GPM6A: variants seen among roughly 807,000 people sequenced by gnomAD.
GPM6A encodes the protein neuronal membrane glycoprotein M6-a.
In GPM6A, 7 loss-of-function variants were observed where a neutral mutation model predicts 32.1. That is an observed-to-expected ratio of 0.22 (90% CI 0.12 to 0.41). The LOEUF is 0.41. Ranked by LOEUF, GPM6A falls within the 10% of genes least tolerant of loss-of-function variation. GPM6A has a pLI of 1.00. For synonymous variants in GPM6A, 130 were observed against 123.4 expected (o/e 1.05, Z -0.35); for missense variants, 235 against 347.2 (o/e 0.68, Z 2.57).
chr4:175,696,475 G>A (rs573068592), intron 2 of GPM6A, among the ~76,000 whole-genome samples: 29 of 152,236 alleles, frequency 1.9e-4, no homozygotes, highest in African/African-American at 7.0e-4. Flanking sequence ...ACACCCATTT[G>A]AGGAGTACTA....
At chr4:175,920,028 T>C (rs1259461420) in intron 1 of GPM6A, among the ~76,000 whole-genome samples, 1 of 152,256 alleles carries the variant, frequency 6.6e-6, no homozygotes, top group Non-Finnish European at 1.5e-5. Flanking sequence ...TGTCTGGCCA[T>C]CTTTGGTCAT....
At chr4:175,708,362 AT>A (rs753373452) in intron 1 of GPM6A, among the ~76,000 whole-genome samples, 5 of 83,782 alleles carry the variant, frequency 6.0e-5, no homozygotes, top group African/African-American at 2.0e-4. Flanking sequence ...GAGAAGGTTT[AT>A]TTTATTTATT....
At chr4:175,795,292 C>G (rs989638157) in intron 1 of GPM6A, among the ~76,000 whole-genome samples, 7 of 152,204 alleles carry the variant, frequency 4.6e-5, no homozygotes, top group African/African-American at 9.7e-5. Context: ...CTATGGCTAT[C>G]TGAGGCAGGC....
chr4:175,980,243 G>C (rs922759472), intron 1 of GPM6A, among the ~76,000 whole-genome samples: 6 of 152,176 alleles, frequency 3.9e-5, no homozygotes, highest in African/African-American at 9.7e-5. Context: ...TGCAGTCCCA[G>C]CTTCTCCAGA....
chr4:175,918,157 G>GAA (rs199882736), intron 1 of GPM6A, among the ~76,000 whole-genome samples: 1 of 149,144 alleles, frequency 6.7e-6, no homozygotes, highest in African/African-American at 2.5e-5. Context: ...ACAGAAAAAT[G>GAA]AAAAAAAAAG....
intron 1 of GPM6A, among the ~76,000 whole-genome samples, chr4:175,732,220 C>T (rs1400513016): frequency 6.6e-6 from 1 of 152,088 alleles, no homozygotes; most frequent in Non-Finnish European, 1.5e-5. Context: ...CCGCCTCGGC[C>T]TCCCACAGTG....
chr4:175,686,447 G>A (rs894534841), intron 2 of GPM6A, among the ~76,000 whole-genome samples: 2 of 152,188 alleles, frequency 1.3e-5, no homozygotes, highest in Non-Finnish European at 2.9e-5. Flanking sequence ...TTATTCAGGT[G>A]GGGCCTCAAT....
Position 175,852,087 on chromosome 4 carries a change from G to A in GPM6A, c.-22-39838C>T, listed in dbSNP as rs143377422. Among the ~76,000 whole-genome samples, 768 of 152,178 alleles carry A rather than the reference G, an allele frequency of 5.0e-3. 10 individuals carry two copies. The highest frequency in any genetic ancestry group is 4.2e-3 in the Admixed American group (64 of 15,286). ...GGGTATTGAACTCCCCATAATACTT[G>A]GAATTGGGGCTTTGGCCATCTTACT... On this transcript the variant is annotated intron_variant, in intron 1 of 7. Coordinates refer to the GPM6A transcript ENST00000280187.
chr4:175,991,215 G>A (rs190330450), intron 1 of GPM6A, among the ~76,000 whole-genome samples: 1,745 of 146,660 alleles, frequency 0.012, 14 homozygotes, highest in Non-Finnish European at 0.017. Context: ...ACAGGTGCCC[G>A]CCACCACTCC....
intron 1 of GPM6A, among the ~76,000 whole-genome samples, chr4:175,788,833 A>C (rs1452034345): frequency 6.6e-6 from 1 of 152,216 alleles, no homozygotes; most frequent in Non-Finnish European, 1.5e-5. Context: ...GACATTAATA[A>C]GGCTATCTAA....
At chr4:175,892,547 CAATA>C (rs1737679587) in intron 1 of GPM6A, among the ~76,000 whole-genome samples, 1 of 152,108 alleles carries the variant, frequency 6.6e-6, no homozygotes, top group African/African-American at 2.4e-5. Flanking sequence ...TTCCTTTATT[CAATA>C]AATATTTTCA....
chr4:175,788,716 G>T (rs1733896254), intron 1 of GPM6A, among the ~76,000 whole-genome samples: 1 of 152,108 alleles, frequency 6.6e-6, no homozygotes, highest in South Asian at 2.1e-4. Flanking sequence ...AGTGGATTTT[G>T]TTTCGGAAGT....
chr4:175,953,030 T>A (rs59416572), intron 1 of GPM6A, among the ~76,000 whole-genome samples: 8,161 of 135,422 alleles, frequency 0.06, 713 homozygotes, highest in African/African-American at 0.2. Context: ...ACCCTGTTTT[T>A]AAAAAAAAAA....
intron 1 of GPM6A, among the ~76,000 whole-genome samples, chr4:175,734,332 G>A (rs1424298709): frequency 1.3e-5 from 2 of 151,868 alleles, no homozygotes; most frequent in Admixed American, 6.6e-5. Flanking sequence ...ACTGTCACTT[G>A]ATCATTTCCC....
intron 1 of GPM6A, among the ~76,000 whole-genome samples, chr4:175,873,187 T>TA (rs33989768): frequency 1.3e-5 from 2 of 151,616 alleles, no homozygotes; most frequent in African/African-American, 2.4e-5. Flanking sequence ...AAGTAGGTCC[T>TA]AAAAAAAATC....
intron 1 of GPM6A, among the ~76,000 whole-genome samples, chr4:175,712,565 G>C (rs531142051): frequency 6.6e-6 from 1 of 152,310 alleles, no homozygotes; most frequent in South Asian, 2.1e-4. Flanking sequence ...AGACCTTTTT[G>C]TGTCTATGGA....
chr4:175,852,822 A>C (rs183275011), intron 1 of GPM6A, among the ~76,000 whole-genome samples: 26 of 152,330 alleles, frequency 1.7e-4, no homozygotes, highest in African/African-American at 5.8e-4. Context: ...TGAAAATGTC[A>C]AAATGCTAAT....
intron 1 of GPM6A, among the ~76,000 whole-genome samples, chr4:175,969,430 C>A (rs1035646546): frequency 1.3e-5 from 2 of 152,132 alleles, no homozygotes; most frequent in African/African-American, 4.8e-5. Context: ...TATATCAGGT[C>A]AGGCAAGGTG....
At chr4:175,834,165 C>T (rs74692344) in intron 1 of GPM6A, among the ~76,000 whole-genome samples, 78 of 152,130 alleles carry the variant, frequency 5.1e-4, no homozygotes, top group African/African-American at 1.9e-3. Flanking sequence ...ATTTGCCAGG[C>T]CTTTAATCTG....
Sources: gnomAD v4.1 joint callset for allele counts (sites outside exome capture counted in the v4.1 genomes callset) on GRCh38, gnomAD v4.1.1 for gene constraint, MANE v1.5 for transcripts, NCBI Gene and HGNC (gene_info 2026-07-23, HGNC 2026-07-21) for gene names.